Variants in SMURF2 observed in about 807,000 individuals in gnomAD.
The protein encoded by SMURF2 is SMAD specific E3 ubiquitin protein ligase 2, also known as E3 ubiquitin-protein ligase SMURF2.
A neutral mutation model predicts 109.6 loss-of-function variants in SMURF2; 48 were observed. That is an observed-to-expected ratio of 0.44 (90% CI 0.35 to 0.56). SMURF2 has a LOEUF of 0.56. SMURF2 is among the 20% of genes least tolerant of loss of function. SMURF2 has a pLI of 0.01. For missense variants in SMURF2, 575 were observed against 909.0 expected (o/e 0.63, Z 4.72); for synonymous variants, 288 against 317.1 (o/e 0.91, Z 0.97).
intron 2 of SMURF2, among the ~76,000 whole-genome samples, chr17:64,605,744 A>AT (rs1969959531): frequency 1.0e-5 from 1 of 99,120 alleles, no homozygotes; most frequent in South Asian, 3.5e-4. Context: ...CTCTAAAAAG[A>AT]ATATATATAT....
chr17:64,551,731 T>C, intron 15 of SMURF2, 27 bp from the exon 16 acceptor site: 1 of 1,611,740 alleles, frequency 6.2e-7, no homozygotes, highest in Non-Finnish European at 8.5e-7. Context: ...GGATTTCGTA[T>C]AATCACATGT....
chr17:64,586,020 TTATTTCTATTCTTTTAAGGATATTATC>T, intron 6 of SMURF2, 39 bp downstream of exon 6: 2 of 1,081,700 alleles, frequency 1.8e-6, no homozygotes, highest in Admixed American at 4.3e-5. Flanking sequence ...AAACACCCAC[TTATTTCTATTCTTTTAAGGATATTATC>T]TATATATTTC....
chr17:64,613,743 T>TGTGTGTGTGTGTGTGTGTGTGTG (rs1970082164), intron 1 of SMURF2, among the ~76,000 whole-genome samples: 1 of 92,160 alleles, frequency 1.1e-5, no homozygotes, highest in Non-Finnish European at 2.2e-5. Flanking sequence ...TGTGTGTGTG[T>TGTGTGTGTGTGTGTGTGTGTGTG]GGAGGGGGGG....
intron 12 of SMURF2, among the ~76,000 whole-genome samples, chr17:64,558,808 T>G (rs1555684254): frequency 6.6e-6 from 1 of 152,240 alleles, no homozygotes; most frequent in Non-Finnish European, 1.5e-5. Flanking sequence ...GGAAATTCAC[T>G]AGTCTAGGAC....
Position 64,635,789 on chromosome 17 carries a change from CAAGA to C in SMURF2, c.52+26036_52+26039del, listed in dbSNP as rs1441414258. 5.3e-5 allele frequency among the ~76,000 whole-genome samples: 8 copies of C among 152,124 alleles called. No homozygotes were observed. In the East Asian group the frequency reaches 1.5e-3, roughly 29 times the overall value. On this transcript the variant is annotated intron_variant, in intron 1 of 18. Coordinates refer to ENST00000262435, the MANE Select transcript of SMURF2 (RefSeq NM_022739.4). ...CTGTTATGAATAATGCTACTATGCA[CAAGA>C]TTTTGTGTGAACATATGTTTTCAGT... is the stretch of plus-strand genomic sequence containing the variant.
rs1195172818 is a variant in SMURF2, at chr17:64,638,062, CTTTTTTT to C, written c.52+23760_52+23766del. On this transcript the variant is annotated intron_variant, in intron 1 of 18. Transcript: ENST00000262435. ...CATGAGTTTTTTTTTTTTCCTTTTT[CTTTTTTT>C]TTTTTTTTTTTTTGACAGAGTCTCA... Among the ~76,000 whole-genome samples, 57 of 102,432 alleles carry C rather than the reference CTTTTTTT, an allele frequency of 5.6e-4. 1 individual carries two copies. Among genetic ancestry groups the C allele is most frequent in the East Asian group, 4.7e-3 (17 of 3,580 alleles). The allele number at this position is 102,432 out of a possible 152,430, so 67.2% of individuals were successfully genotyped here.
At chr17:64,570,579 T>G (rs1969383105) in intron 10 of SMURF2, among the ~76,000 whole-genome samples, 1 of 152,180 alleles carries the variant, frequency 6.6e-6, no homozygotes, top group African/African-American at 2.4e-5. Flanking sequence ...AAGCAAAGGA[T>G]GCAAATAATA....
chr17:64,638,967 A>G (rs1455195899), intron 1 of SMURF2, among the ~76,000 whole-genome samples: 2 of 152,204 alleles, frequency 1.3e-5, no homozygotes, highest in Non-Finnish European at 2.9e-5. Context: ...AGCCATTCCA[A>G]TGCCACCCAA....
intron 1 of SMURF2, among the ~76,000 whole-genome samples, chr17:64,637,245 G>C (rs919486751): frequency 2.0e-5 from 3 of 151,498 alleles, no homozygotes; most frequent in Admixed American, 2.0e-4. Context: ...TCTTGCCTCA[G>C]CCTCCCAAGT....
At chr17:64,565,187 G>A (rs1217354993) in intron 10 of SMURF2, among the ~76,000 whole-genome samples, 2 of 152,160 alleles carry the variant, frequency 1.3e-5, no homozygotes, top group African/African-American at 4.8e-5. Flanking sequence ...AACGGACACA[G>A]GAGAAAATCC....
intron 10 of SMURF2, among the ~76,000 whole-genome samples, chr17:64,568,744 G>A (rs1362280401): frequency 6.6e-6 from 1 of 152,138 alleles, no homozygotes; most frequent in Non-Finnish European, 1.5e-5. Context: ...GCTCACACCT[G>A]TAATCCCAGC....
intron 9 of SMURF2, among the ~76,000 whole-genome samples, chr17:64,577,394 G>A (rs1208850812): frequency 6.6e-6 from 1 of 151,696 alleles, no homozygotes; most frequent in Non-Finnish European, 1.5e-5. Context: ...TCACACACCA[G>A]GGCCTGTTGT....
At chr17:64,660,167 T>G (rs1970755796) in intron 1 of SMURF2, among the ~76,000 whole-genome samples, 2 of 152,186 alleles carry the variant, frequency 1.3e-5, no homozygotes, top group Non-Finnish European at 2.9e-5. Flanking sequence ...ACTAACCTTA[T>G]CTGCAGAAAA....
In SMURF2 at chr17:64,545,741, G is replaced by C. The variant is rs868922045; in HGVS notation, c.*107C>G. 4.8e-5 allele frequency: 19 copies of C among 393,028 alleles called. 1 individual carries two copies. The highest frequency in any genetic ancestry group is 6.9e-5 in the Non-Finnish European group (15 of 218,074). 24.3% of individuals were successfully genotyped at this position (393,028 alleles called of 1,614,324 possible). ...TAAAAAAAAAAAAAAAAAGGGGGGGGGGGGGAGTGTTTTCCTGTATTTCAG... is the reference window on the plus strand; with the variant it reads ...TAAAAAAAAAAAAAAAAAGGGGGGGCGGGGGAGTGTTTTCCTGTATTTCAG... On this transcript the variant is annotated 3_prime_UTR_variant, in exon 19 of 19. Coordinates refer to ENST00000262435, the MANE Select transcript of SMURF2 (RefSeq NM_022739.4).
chr17:64,584,002 T>C (rs1555686827), intron 6 of SMURF2, among the ~76,000 whole-genome samples: 1 of 152,054 alleles, frequency 6.6e-6, no homozygotes, highest in Non-Finnish European at 1.5e-5. Flanking sequence ...AAACTAATTT[T>C]TTAAAAATGA....
intron 2 of SMURF2, among the ~76,000 whole-genome samples, chr17:64,605,818 A>C (rs1479224914): frequency 6.9e-6 from 1 of 145,128 alleles, no homozygotes; most frequent in Non-Finnish European, 1.5e-5. Context: ...ATCTACTATC[A>C]CATGAAATCA....
chr17:64,577,298 G>A (rs184810089), intron 9 of SMURF2, among the ~76,000 whole-genome samples: 173 of 151,414 alleles, frequency 1.1e-3, no homozygotes, highest in Admixed American at 3.2e-3. Flanking sequence ...GCCAACTATC[G>A]CAAGGCCAAA....
chr17:64,627,363 A>C (rs926497218), intron 1 of SMURF2, among the ~76,000 whole-genome samples: 13 of 151,948 alleles, frequency 8.6e-5, no homozygotes, highest in Admixed American at 4.6e-4. Context: ...TGATCCGCCC[A>C]CCTCAGCCTC....
At chr17:64,601,047 G>A (rs1555688498) in intron 2 of SMURF2, among the ~76,000 whole-genome samples, 3 of 152,024 alleles carry the variant, frequency 2.0e-5, no homozygotes, top group Admixed American at 6.6e-5. Context: ...CCAGGAGTTT[G>A]AAACCAGCCT....
Sources: allele counts gnomAD v4.1 joint callset (sites outside exome capture counted in the v4.1 genomes callset), GRCh38; gene constraint gnomAD v4.1.1; transcripts MANE v1.5; gene names NCBI Gene and HGNC (gene_info 2026-07-23, HGNC 2026-07-21).